Variants in ANO6 observed in about 807,000 individuals in gnomAD.
ANO6 encodes the protein anoctamin-6.
A neutral mutation model predicts 117.5 loss-of-function variants in ANO6; 106 were observed. The observed-to-expected ratio is 0.90, with a 90% CI of 0.77 to 1.06. ANO6 has a LOEUF of 1.06. Among genes scored for constraint, ANO6 ranks in the 50% least tolerant of loss-of-function variants. The probability of loss-of-function intolerance (pLI) is 0.00; values close to 1 mark genes in which losing one functional copy is unlikely to be tolerated. For synonymous variants in ANO6, 367 were observed against 385.1 expected (o/e 0.95, Z 0.55); for missense variants, 955 against 1,121.1 (o/e 0.85, Z 2.12).
intron 2 of ANO6, among the ~76,000 whole-genome samples, chr12:45,304,551 A>G (rs1387277270): frequency 6.6e-6 from 1 of 152,208 alleles, no homozygotes; most frequent in Non-Finnish European, 1.5e-5. Flanking sequence ...GTGGAGTTGA[A>G]CCGAAATAAA....
intron 1 of ANO6, among the ~76,000 whole-genome samples, chr12:45,296,045 G>C (rs974319364): frequency 6.6e-6 from 1 of 151,914 alleles, no homozygotes; most frequent in African/African-American, 2.4e-5. Context: ...ATTTTTAGTA[G>C]AGATGGGGTT....
At chr12:45,284,050 A>G (rs776939430) in intron 1 of ANO6, among the ~76,000 whole-genome samples, 1 of 152,258 alleles carries the variant, frequency 6.6e-6, no homozygotes, top group African/African-American at 2.4e-5. Context: ...TTTAGATGAT[A>G]TGGAAACCTT....
intron 1 of ANO6, among the ~76,000 whole-genome samples, chr12:45,244,405 G>GC (rs967700621): frequency 5.8e-5 from 6 of 103,950 alleles, no homozygotes; most frequent in East Asian, 4.2e-4. Flanking sequence ...TCTCTATTTG[G>GC]GGGGGGGGGG....
chr12:45,305,708 A>G (rs1021246244), intron 2 of ANO6, among the ~76,000 whole-genome samples: 1 of 152,162 alleles, frequency 6.6e-6, no homozygotes, highest in Non-Finnish European at 1.5e-5. Flanking sequence ...GAAATAGGCC[A>G]TGTGATTGAA....
At chr12:45,410,019 G>A (rs1174031690) in intron 16 of ANO6, among the ~76,000 whole-genome samples, 4 of 152,186 alleles carry the variant, frequency 2.6e-5, no homozygotes, top group Non-Finnish European at 4.4e-5. Flanking sequence ...GCCTTCCAAA[G>A]TGCTGGGATT....
At position 45,409,489 on chromosome 12, in the gene ANO6, T is replaced by G; in HGVS notation, c.2011+2T>G. ...TATTTTATGAATATCTTGAAATGAG[T>G]AAGTTGTTAGTGAAGTTTTTAGTGA... On this transcript the variant is annotated splice_donor_variant, in intron 16 of 19. Coordinates refer to ENST00000320560, the MANE Select transcript of ANO6 (RefSeq NM_001025356.3). LOFTEE classifies it high-confidence loss of function. 1 of 1,613,240 alleles carries G rather than the reference T, an allele frequency of 6.2e-7. No individual in the cohort carries two copies. Among genetic ancestry groups the G allele is most frequent in the South Asian group, 1.1e-5 (1 of 91,042 alleles).
At position 45,431,947 on chromosome 12, in the gene ANO6, C is replaced by G. The variant is rs11553695; in HGVS notation, c.*2636C>G. On this transcript the variant is annotated 3_prime_UTR_variant, in exon 20 of 20. Transcript: ENST00000320560. ...ATTAAACATCCCTCAGATAATTTAG[C>G]TATATATCATTAGAAAGGGAAAGCT... 48,752 of 984,970 alleles carry G rather than the reference C, an allele frequency of 0.049. 1,635 individuals carry two copies. The highest frequency in any genetic ancestry group is 0.3 in the East Asian group (2,631 of 8,804). 61.0% of individuals were successfully genotyped at this position (984,970 alleles called of 1,614,324 possible). A position where few individuals can be genotyped will look rare whatever the true frequency, so the allele number is the denominator to read the frequency against.
intron 10 of ANO6, among the ~76,000 whole-genome samples, chr12:45,380,123 CT>C (rs1198671539): frequency 1.3e-5 from 2 of 151,904 alleles, no homozygotes; most frequent in African/African-American, 4.9e-5. Flanking sequence ...AGTAGAAAAC[CT>C]TTTGTAATCA....
chr12:45,269,002 A>C (rs977755698), intron 1 of ANO6, among the ~76,000 whole-genome samples: 13 of 152,220 alleles, frequency 8.5e-5, no homozygotes, highest in Non-Finnish European at 1.6e-4. Flanking sequence ...GGTGGAGACC[A>C]GGACGCCTGG....
Position 45,337,082 on chromosome 12 carries a change from A to T in ANO6, c.279+5659A>T, listed in dbSNP as rs1485120328. Among the ~76,000 whole-genome samples, 3 of 152,096 alleles carry T rather than the reference A, an allele frequency of 2.0e-5. No individual in the cohort carries two copies. In the South Asian group the frequency reaches 6.2e-4, roughly 31 times the overall value. Reference sequence around the variant, plus strand: ...CAATAGAATAAGGATATAAAGAAAGAAGTTTTGTACAGCTGTAGAGTGTGT... The same window carrying T: ...CAATAGAATAAGGATATAAAGAAAGTAGTTTTGTACAGCTGTAGAGTGTGT... On this transcript the variant is annotated intron_variant, in intron 3 of 19. Coordinates refer to ENST00000320560, the MANE Select transcript of ANO6 (RefSeq NM_001025356.3).
chr12:45,342,602 G>T (rs1198129364), intron 3 of ANO6, among the ~76,000 whole-genome samples: 1 of 151,992 alleles, frequency 6.6e-6, no homozygotes, highest in Non-Finnish European at 1.5e-5. Context: ...AAAATTTGGG[G>T]GGCTGCAGTT....
In ANO6 at chr12:45,431,666, T is replaced by C. The variant is rs1943635993; in HGVS notation, c.*2355T>C. The C allele has an allele frequency of 1.0e-6, 1 of 985,274 alleles. No homozygotes were observed. The highest frequency in any genetic ancestry group is 1.7e-5 in the African/African-American group (1 of 57,214). 61.0% of individuals were successfully genotyped at this position (985,274 alleles called of 1,614,324 possible). On this transcript the variant is annotated 3_prime_UTR_variant, in exon 20 of 20. Transcript: ENST00000320560. ...GCCATCCACAGTGTTTGTTAGTGAGTCCACGGCTGACTTGCAGTGATAAAG... is the reference window on the plus strand; with the variant it reads ...GCCATCCACAGTGTTTGTTAGTGAGCCCACGGCTGACTTGCAGTGATAAAG...
At chr12:45,364,334 A>G (rs995298843) in intron 8 of ANO6, among the ~76,000 whole-genome samples, 4 of 152,180 alleles carry the variant, frequency 2.6e-5, no homozygotes, top group South Asian at 2.1e-4. Context: ...TGGATATGCA[A>G]AATAGTGCTT....
chr12:45,329,229 A>G (rs1266319928), intron 2 of ANO6, among the ~76,000 whole-genome samples: 4 of 152,166 alleles, frequency 2.6e-5, no homozygotes, highest in South Asian at 2.1e-4. Flanking sequence ...TATTTGTTAC[A>G]TATTCTTTCC....
chr12:45,344,582 C>G (rs151191199), intron 3 of ANO6, among the ~76,000 whole-genome samples: 1 of 152,088 alleles, frequency 6.6e-6, no homozygotes, highest in Non-Finnish European at 1.5e-5. Context: ...GGGGGAAATC[C>G]GCCCCCATGA....
At chr12:45,216,824 C>G (rs1565625594) in intron 1 of ANO6, among the ~76,000 whole-genome samples, 1 of 152,192 alleles carries the variant, frequency 6.6e-6, no homozygotes, top group Non-Finnish European at 1.5e-5. Context: ...GGGTGTGACC[C>G]ATCTGAATCC....
At position 45,229,390 on chromosome 12, in the gene ANO6, GTTTTTT is replaced by G. The variant is rs11422062; in HGVS notation, c.70+13011_70+13016del. 8.6e-5 allele frequency among the ~76,000 whole-genome samples: 11 copies of G among 127,338 alleles called. No individual in the cohort carries two copies. In the Admixed American group the frequency reaches 9.5e-4, roughly 11 times the overall value. The allele number at this position is 127,338 out of a possible 152,430, so 83.5% of individuals were successfully genotyped here. Reference sequence around the variant, plus strand: ...ATCTCCTCAGTTTTTTTTATTTTTAGTTTTTTTTTTTTTTTTTGAGACAGTGTCTCA... The same window carrying G: ...ATCTCCTCAGTTTTTTTTATTTTTAGTTTTTTTTTTTGAGACAGTGTCTCA... On this transcript the variant is annotated intron_variant, in intron 1 of 19. Coordinates refer to ENST00000320560, the MANE Select transcript of ANO6 (RefSeq NM_001025356.3).
chr12:45,255,874 G>A (rs889856013), intron 1 of ANO6, among the ~76,000 whole-genome samples: 18 of 142,230 alleles, frequency 1.3e-4, no homozygotes, highest in Admixed American at 3.7e-4. Context: ...AGGCCAGAGC[G>A]CAGTGGCGGG....
At position 45,265,159 on chromosome 12, in the gene ANO6, T is replaced by C. The variant is rs1938172502; in HGVS notation, c.71-36855T>C. 2.0e-5 allele frequency among the ~76,000 whole-genome samples: 3 copies of C among 152,338 alleles called. No homozygotes were observed. In the South Asian group the frequency reaches 6.2e-4, roughly 32 times the overall value. The stretch of plus-strand genomic sequence containing the variant: ...ATTAATTTTGTGTTTCAAAACTGAT[T>C]GGCATTAATCTGTATAGTGACTTTT... On this transcript the variant is annotated intron_variant, in intron 1 of 19. Transcript: ENST00000320560.
Sources: gnomAD v4.1 joint callset for allele counts (sites outside exome capture counted in the v4.1 genomes callset) on GRCh38, gnomAD v4.1.1 for gene constraint, MANE v1.5 for transcripts, NCBI Gene and HGNC (gene_info 2026-07-23, HGNC 2026-07-21) for gene names.